SCAF4: variants seen among roughly 807,000 people sequenced by gnomAD.
SCAF4 encodes the protein SR-related CTD associated factor 4, also known as SR-related and CTD-associated factor 4.
Under a neutral mutation model 129.8 loss-of-function variants are expected in SCAF4, and 25 were observed. That is an observed-to-expected ratio of 0.19 (90% CI 0.14 to 0.27). The LOEUF is 0.27. Among genes scored for constraint, SCAF4 ranks in the 10% least tolerant of loss-of-function variants. SCAF4 has a pLI of 1.00. For synonymous variants in SCAF4, 551 were observed against 497.7 expected, an observed-to-expected ratio of 1.11 and a Z score of -1.43; for missense variants, 1,246 against 1,457.1, an observed-to-expected ratio of 0.86 and a Z score of 2.36.
intron 1 of SCAF4, among the ~76,000 whole-genome samples, chr21:31,730,150 G>T (rs2051312845): frequency 6.6e-6 from 1 of 152,218 alleles, no homozygotes; most frequent in African/African-American, 2.4e-5. Context: ...GATTGGTAGA[G>T]AAGCGGGGAA....
intron 19 of SCAF4, among the ~76,000 whole-genome samples, chr21:31,673,967 T>C (rs2049783153): frequency 6.6e-6 from 1 of 152,176 alleles, no homozygotes; most frequent in Non-Finnish European, 1.5e-5. Context: ...AGCCAAATTA[T>C]AATATAACAC....
rs529034982 is a variant in SCAF4 at position 31,672,245 on chromosome 21, G to C, written c.2598C>G (p.Pro866=). 1.2e-6 allele frequency: 2 copies of C among 1,612,976 alleles called. No homozygotes were observed. The highest frequency in any genetic ancestry group is 2.2e-5 in the South Asian group (2 of 90,958). The change falls in exon 20 of 20, where the codon CCC becomes CCG. Residue 866 remains proline, a synonymous_variant. Transcript: ENST00000286835. ...AAGGGAACCGCTGTAAGTGAGGTGGGGGCATTCCTGGAGGGCGCTGGAGTG... is the reference window on the plus strand; with the variant it reads ...AAGGGAACCGCTGTAAGTGAGGTGGCGGCATTCCTGGAGGGCGCTGGAGTG... ...LIPLQRPPGM[P]PPHLQRFPLM...
intron 16 of SCAF4, 35 bp from the exon 17 acceptor site, chr21:31,685,768 T>C (rs1166184458): frequency 6.5e-7 from 1 of 1,531,222 alleles, no homozygotes; most frequent in Non-Finnish European, 8.8e-7. Flanking sequence ...ACCACCTATC[T>C]AGACACCCTC....
At chr21:31,718,828 T>C (rs990755527) in intron 1 of SCAF4, among the ~76,000 whole-genome samples, 13 of 152,278 alleles carry the variant, frequency 8.5e-5, no homozygotes, top group Non-Finnish European at 1.9e-4. Context: ...ATTTCTTTAC[T>C]ATACCATATT....
intron 1 of SCAF4, among the ~76,000 whole-genome samples, chr21:31,723,088 T>C (rs1454826968): frequency 1.3e-5 from 2 of 152,250 alleles, no homozygotes; most frequent in Non-Finnish European, 2.9e-5. Context: ...TGTGTATGTG[T>C]TGCTGTATGT....
rs907708155 is a variant in SCAF4, at chr21:31,696,854, T to C, written c.778-104A>G. On this transcript the variant is annotated intron_variant, in intron 7 of 19. Transcript: ENST00000286835. Reference sequence around the variant, plus strand: ...GTTTACCACCATCTAGAAACCCACATTGTCAAGCACAATCTTATTTTCCCT... The same window carrying C: ...GTTTACCACCATCTAGAAACCCACACTGTCAAGCACAATCTTATTTTCCCT... 1.1e-4 allele frequency: 110 copies of C among 978,990 alleles called. No homozygotes were observed. The African/African-American group carries it at 1.6e-3, about 14-fold the overall frequency. 60.6% of individuals were successfully genotyped at this position (978,990 alleles called of 1,614,324 possible). A position where few individuals can be genotyped will look rare whatever the true frequency, so the allele number is the denominator to read the frequency against.
At chr21:31,692,674 G>C (rs1231604386) in intron 12 of SCAF4, among the ~76,000 whole-genome samples, 1 of 152,124 alleles carries the variant, frequency 6.6e-6, no homozygotes, top group Non-Finnish European at 1.5e-5. Flanking sequence ...GGAAAAAACT[G>C]GTTTTTTTGT....
rs545000525 is a variant in SCAF4 at position 31,685,687 on chromosome 21, G to T, written c.2090C>A (p.Pro697Gln). Residue 697 changes from proline (P) to glutamine (Q), a missense_variant, in exon 17 of 20, where the codon CCG becomes CAG. By Grantham distance (76) the Pro-to-Gln change is moderately conservative. Transcript: ENST00000286835. Reference sequence around the variant, plus strand: ...TCCCAGAGGAGGCGTGAAAGCAGGCGGCTGGAGAGCACCAACTACAGGTGG... The same window carrying T: ...TCCCAGAGGAGGCGTGAAAGCAGGCTGCTGGAGAGCACCAACTACAGGTGG... ...PGPPVVGALQPPAFTPPLGIP... is the reference protein window; with the variant it reads ...PGPPVVGALQQPAFTPPLGIP... 1 of 1,611,994 alleles carries T rather than the reference G, an allele frequency of 6.2e-7. No homozygotes were observed. The highest frequency in any genetic ancestry group is 1.3e-5 in the African/African-American group (1 of 74,986).
At chr21:31,699,313 T>C (rs551066179) in intron 7 of SCAF4, among the ~76,000 whole-genome samples, 4 of 152,232 alleles carry the variant, frequency 2.6e-5, no homozygotes, top group South Asian at 4.1e-4. Flanking sequence ...TACTAGAATA[T>C]AGAAATCTTT....
intron 19 of SCAF4, among the ~76,000 whole-genome samples, chr21:31,672,963 GT>G (rs1283385118): frequency 1.3e-5 from 2 of 152,206 alleles, no homozygotes; most frequent in Admixed American, 6.5e-5. Flanking sequence ...CAAATGTGAA[GT>G]TTACTGTTAC....
rs764206694 is a variant in SCAF4 at position 31,731,660 on chromosome 21, T to A, written c.30+3A>T. 2.5e-6 allele frequency: 4 copies of A among 1,586,868 alleles called. No homozygotes were observed. In the South Asian group the frequency reaches 4.5e-5, roughly 18 times the overall value. ...GCACCCCCCTGCCCCAAACACCCCT[T>A]ACCTCCTGGTTGAAGGCGTTGACGG... On this transcript the variant is annotated splice_donor_region_variant and intron_variant, in intron 1 of 19. Coordinates refer to ENST00000286835, the MANE Select transcript of SCAF4 (RefSeq NM_020706.2).
intron 2 of SCAF4, among the ~76,000 whole-genome samples, chr21:31,705,862 A>G (rs2050646979): frequency 6.6e-6 from 1 of 152,228 alleles, no homozygotes; most frequent in South Asian, 2.1e-4. Context: ...TTTAAATAAA[A>G]ATGAAACTAA....
intron 1 of SCAF4, among the ~76,000 whole-genome samples, chr21:31,720,646 C>T (rs186131873): frequency 4.6e-5 from 7 of 152,286 alleles, no homozygotes; most frequent in Admixed American, 3.9e-4. Context: ...TCAGACCATT[C>T]GCCAAACTTC....
At chr21:31,702,694 A>G (rs969669937) in intron 4 of SCAF4, among the ~76,000 whole-genome samples, 1 of 152,166 alleles carries the variant, frequency 6.6e-6, no homozygotes, top group Admixed American at 6.5e-5. Context: ...AAAAAAAGCT[A>G]TCTTGAAGTA....
chr21:31,688,294 C>T lies in SCAF4; in HGVS notation c.2043+13G>A. ...AGGCACTTAAAGTTTAAGTCATGTC[C>T]CAATATTCTCACCTGTGGAGGTGGC... On this transcript the variant is annotated intron_variant, in intron 16 of 19. Coordinates refer to ENST00000286835, the MANE Select transcript of SCAF4 (RefSeq NM_020706.2). The T allele has an allele frequency of 1.2e-6, 2 of 1,607,472 alleles. No individual in the cohort carries two copies.
Position 31,731,903 on chromosome 21 carries a change from C to T in SCAF4, c.-211G>A. On this transcript the variant is annotated 5_prime_UTR_variant, in exon 1 of 20. Transcript: ENST00000286835. Reference sequence around the variant, plus strand: ...AGAGGTGGCGGGCCCCCTCTCAGTCCCGTTCGCAGGATGAGGAAAAGGAGG... The same window carrying T: ...AGAGGTGGCGGGCCCCCTCTCAGTCTCGTTCGCAGGATGAGGAAAAGGAGG... The T allele has an allele frequency of 2.0e-6, 1 of 501,920 alleles. No homozygotes were observed. The highest frequency in any genetic ancestry group is 3.4e-6 in the Non-Finnish European group (1 of 291,072). 31.1% of individuals were successfully genotyped at this position (501,920 alleles called of 1,614,324 possible). A position where few individuals can be genotyped will look rare whatever the true frequency, so the allele number is the denominator to read the frequency against.
intron 15 of SCAF4, among the ~76,000 whole-genome samples, chr21:31,689,996 T>C (rs2050220843): frequency 6.6e-6 from 1 of 152,072 alleles, no homozygotes; most frequent in Non-Finnish European, 1.5e-5. Context: ...GCTCCTCCTG[T>C]TCCTCTGTCT....
intron 1 of SCAF4, among the ~76,000 whole-genome samples, chr21:31,728,165 T>C (rs1176835621): frequency 1.1e-4 from 16 of 152,192 alleles, no homozygotes; most frequent in Admixed American, 1.0e-3. Context: ...TTGAAAATGC[T>C]AAAGCCTCTA....
In SCAF4 at chr21:31,693,469, C is replaced by T. The variant is rs1038762704; in HGVS notation, c.1338G>A (p.Arg446=). ...GAGATCTAGAACCAGATCTAGATCG[C>T]CTCCTTTTTGGTGACCTAATGTTTT... ...SRSASRSPKR[R]RSRSGSRSRR... Residue 446 remains arginine, a synonymous_variant, in exon 12 of 20, where the codon AGG becomes AGA. Coordinates refer to ENST00000286835, the MANE Select transcript of SCAF4 (RefSeq NM_020706.2). 4 of 1,496,234 alleles carry T rather than the reference C, an allele frequency of 2.7e-6. No homozygotes were observed. The African/African-American group carries it at 5.6e-5, about 21-fold the overall frequency. 92.7% of individuals were successfully genotyped at this position (1,496,234 alleles called of 1,614,324 possible). A position where few individuals can be genotyped will look rare whatever the true frequency, so the allele number is the denominator to read the frequency against.
Sources: gnomAD v4.1 joint callset for allele counts (sites outside exome capture counted in the v4.1 genomes callset) on GRCh38, gnomAD v4.1.1 for gene constraint, MANE v1.5 for transcripts, NCBI Gene and HGNC (gene_info 2026-07-23, HGNC 2026-07-21) for gene names.